The following DYNC2H1 variants were observed in gnomAD, a reference collection of about 807,000 sequenced individuals.
The protein encoded by DYNC2H1 is cytoplasmic dynein 2 heavy chain 1.
DYNC2H1 carries 410 observed loss-of-function variants against 570.0 expected under a neutral mutation model. The observed-to-expected ratio is 0.72, with a 90% CI of 0.66 to 0.78. The LOEUF (loss-of-function observed/expected upper bound fraction) is 0.78. Among genes scored for constraint, DYNC2H1 ranks in the 30% least tolerant of loss-of-function variants. The pLI, the probability that DYNC2H1 is intolerant of heterozygous loss-of-function variation, is 0.00. For synonymous variants in DYNC2H1, 1,688 were observed against 1,677.6 expected, an observed-to-expected ratio of 1.01 and a Z score of -0.15; for missense variants, 4,865 against 5,046.4, an observed-to-expected ratio of 0.96 and a Z score of 1.09.
At chr11:103,312,248 C>T (rs895396284) in intron 79 of DYNC2H1, among the ~76,000 whole-genome samples, 18 of 151,332 alleles carry the variant, frequency 1.2e-4, no homozygotes, top group African/African-American at 3.9e-4. Context: ...GGCATGGTGG[C>T]GCATGCCTAT....
chr11:103,403,598 C>T (rs553388298), intron 84 of DYNC2H1: 53 of 152,042 alleles, frequency 3.5e-4, no homozygotes, highest in Middle Eastern at 6.8e-3. Flanking sequence ...GAGCACTGTC[C>T]GTAGTAAAGG....
intron 13 of DYNC2H1, among the ~76,000 whole-genome samples, chr11:103,132,169 G>GTTCA (rs796526215): frequency 3.9e-5 from 6 of 152,012 alleles, no homozygotes; most frequent in African/African-American, 1.4e-4. Flanking sequence ...AAGGGCCTCT[G>GTTCA]TTCATTTTTC....
Position 103,133,709 on chromosome 11 carries a change from T to C in DYNC2H1, c.2106+2T>C, listed in dbSNP as rs1449279178. The C allele has an allele frequency of 1.9e-6, 3 of 1,583,938 alleles. No individual in the cohort carries two copies. The highest frequency in any genetic ancestry group is 1.2e-5 in the South Asian group (1 of 85,748). Reference sequence around the variant, plus strand: ...TGGCACACTACATTTTGTGAAAAGGTATATTTTGTTTATAAAATTGAATAA... The same window carrying C: ...TGGCACACTACATTTTGTGAAAAGGCATATTTTGTTTATAAAATTGAATAA... On this transcript the variant is annotated splice_donor_variant, in intron 14 of 88. Coordinates refer to ENST00000375735, the MANE Select transcript of DYNC2H1 (RefSeq NM_001377.3). LOFTEE classifies it high-confidence loss of function. This position sits in a 1 kb window ranked among gnomAD's most constrained non-coding sequence, Gnocchi z 4.8.
intron 70 of DYNC2H1, among the ~76,000 whole-genome samples, chr11:103,267,053 G>T (rs1865536574): frequency 6.6e-6 from 1 of 152,134 alleles, no homozygotes; most frequent in African/African-American, 2.4e-5. Context: ...ACTTCTGTAA[G>T]CCCCTCTCCC....
chr11:103,270,601 TCGAA>T (rs1361569522), intron 70 of DYNC2H1, among the ~76,000 whole-genome samples: 1 of 151,814 alleles, frequency 6.6e-6, no homozygotes, highest in African/African-American at 2.4e-5. Flanking sequence ...TCTCTCTCTC[TCGAA>T]CTATCTTATT....
At chr11:103,329,805 T>C (rs1422407678) in intron 82 of DYNC2H1, among the ~76,000 whole-genome samples, 1 of 152,176 alleles carries the variant, frequency 6.6e-6, no homozygotes, top group Non-Finnish European at 1.5e-5. Context: ...AGATGTATTT[T>C]ACATTTAAAG....
At position 103,186,350 on chromosome 11, in the gene DYNC2H1, G is replaced by C; in HGVS notation, c.6742G>C (p.Asp2248His). 4 of 1,612,834 alleles carry C rather than the reference G, an allele frequency of 2.5e-6. No individual in the cohort carries two copies. Among genetic ancestry groups the C allele is most frequent in the Middle Eastern group, 1.7e-4 (1 of 6,058 alleles). ...AACATATGTGCTTAAGAAGCCAGAA[G>C]ACTTGACTGCTGATGATTTCAGTAA... ...LATYVLKKPE[D>H]LTADDFSNGL... The change falls in exon 42 of 89, where the codon GAC becomes CAC. Residue 2248 changes from aspartate (D) to histidine (H), a missense_variant. Transcript: ENST00000375735. This position sits in a 1 kb window ranked among gnomAD's most constrained non-coding sequence, Gnocchi z 4.5.
chr11:103,350,581 C>CT (rs1357234390), intron 82 of DYNC2H1, among the ~76,000 whole-genome samples: 2 of 152,088 alleles, frequency 1.3e-5, no homozygotes, highest in East Asian at 3.9e-4. Context: ...GCTTGGCCTG[C>CT]TATAACAAAA....
At chr11:103,317,053 G>A (rs1376716270) in intron 80 of DYNC2H1, among the ~76,000 whole-genome samples, 2 of 152,050 alleles carry the variant, frequency 1.3e-5, no homozygotes, top group Admixed American at 6.6e-5. Context: ...CATTTAATCT[G>A]ACCCCCTAAG....
intron 63 of DYNC2H1, among the ~76,000 whole-genome samples, chr11:103,238,093 AAAAT>A: frequency 6.6e-6 from 1 of 152,188 alleles, no homozygotes; most frequent in East Asian, 1.9e-4. Flanking sequence ...TACTAGATTT[AAAAT>A]TAGTTGTAGT....
chr11:103,109,537 T>C lies in DYNC2H1; in HGVS notation c.-38T>C. The stretch of plus-strand genomic sequence containing the variant: ...TCCCTCCGGACTGGTTTCTTCTTCC[T>C]TCCCCCTTCCCCCAACTTCCCTCCA... On this transcript the variant is annotated 5_prime_UTR_variant, in exon 1 of 89. Transcript: ENST00000375735. 3 of 1,588,984 alleles carry C rather than the reference T, an allele frequency of 1.9e-6. No homozygotes were observed. Among genetic ancestry groups the C allele is most frequent in the Non-Finnish European group, 2.6e-6 (3 of 1,162,890 alleles).
At chr11:103,176,580 GT>G in intron 37 of DYNC2H1, 146 bp downstream of exon 37, 1 of 574,310 alleles carries the variant, frequency 1.7e-6, no homozygotes, top group Non-Finnish European at 2.7e-6. Flanking sequence ...AGATCTTCAA[GT>G]CCTGATTTGA....
At chr11:103,230,491 A>T (rs527844052) in intron 59 of DYNC2H1, among the ~76,000 whole-genome samples, 72 of 152,338 alleles carry the variant, frequency 4.7e-4, no homozygotes, top group African/African-American at 1.7e-3. Context: ...GTAAGGGCAT[A>T]AGCTAGACTT....
intron 20 of DYNC2H1, among the ~76,000 whole-genome samples, chr11:103,149,157 A>G (rs942809234): frequency 6.6e-6 from 1 of 152,234 alleles, no homozygotes; most frequent in African/African-American, 2.4e-5. Context: ...TTTGCAGTCT[A>G]TTTTATGATG....
rs1244019192 is a variant in DYNC2H1, at chr11:103,244,089, CTAA to C, written c.9918+300_9918+302del. On this transcript the variant is annotated intron_variant, in intron 64 of 88. Transcript: ENST00000375735. This position sits in a 1 kb window ranked among gnomAD's most constrained non-coding sequence, Gnocchi z 4.3. ...AAAGAAGCTTTGCACTACGTTATGA[CTAA>C]TGACACAAGTATAAGCTGCTGTAGA... Among the ~76,000 whole-genome samples, 1 of 152,118 alleles carries C rather than the reference CTAA, an allele frequency of 6.6e-6. No homozygotes were observed. The highest frequency in any genetic ancestry group is 6.6e-5 in the Admixed American group (1 of 15,258).
At chr11:103,447,670 A>G (rs990582377) in intron 85 of DYNC2H1, among the ~76,000 whole-genome samples, 2 of 152,114 alleles carry the variant, frequency 1.3e-5, no homozygotes, top group African/African-American at 4.8e-5. Flanking sequence ...ACTTTGTTCT[A>G]TTTGAGAGGT....
In DYNC2H1 at chr11:103,133,590, A is replaced by G; in HGVS notation, c.1989A>G (p.Ile663Met). 1 of 1,610,708 alleles carries G rather than the reference A, an allele frequency of 6.2e-7. No individual in the cohort carries two copies. The highest frequency in any genetic ancestry group is 8.5e-7 in the Non-Finnish European group (1 of 1,179,158). ...CAGGAAGTGGAGGGAAATCACAGAT[A>G]ACTTGGGATAATCCTAAAGAATTAG... ...SKAGSGGKSQ[I>M]TWDNPKELEG... Residue 663 changes from isoleucine to methionine, a missense_variant, in exon 14 of 89, where the codon ATA (isoleucine) becomes ATG (methionine). Around this residue, in one of 5 missense-constraint regions of DYNC2H1, gnomAD observed 1,936 missense variants for 1,962.1 expected, o/e 0.99. Transcript: ENST00000375735. The surrounding 1 kb of genome is among the most constrained non-coding windows in gnomAD (Gnocchi z 4.8).
intron 62 of DYNC2H1, among the ~76,000 whole-genome samples, chr11:103,236,095 CATT>C (rs1266144057): frequency 2.6e-5 from 4 of 151,964 alleles, no homozygotes; most frequent in Non-Finnish European, 4.4e-5. Context: ...TGCAATTAAA[CATT>C]ATGTTACTTT....
Position 103,303,196 on chromosome 11 carries a change from T to A in DYNC2H1, c.11199T>A (p.Pro3733=). The A allele has an allele frequency of 6.2e-7, 1 of 1,612,880 alleles. No individual in the cohort carries two copies. Among genetic ancestry groups the A allele is most frequent in the Non-Finnish European group, 8.5e-7 (1 of 1,179,120 alleles). The change falls in exon 76 of 89, where the codon CCT becomes CCA. Residue 3733 remains proline (P), a synonymous_variant. Coordinates refer to ENST00000375735, the MANE Select transcript of DYNC2H1 (RefSeq NM_001377.3). ...TAATTATTTCTCCGGGTGCTGATCC[T>A]TCTCAGGAACTTCAAGAACTAGCTA... ...ILIIISPGAD[P]SQELQELANA... is the part of the protein sequence containing the mutation.
Sources: gnomAD v4.1 joint callset for allele counts (sites outside exome capture counted in the v4.1 genomes callset) on GRCh38, gnomAD v4.1.1 for gene constraint, gnomAD v4.1.1 regional missense constraint, Gnocchi (gnomAD v3.1) non-coding constraint, MANE v1.5 for transcripts, NCBI Gene and HGNC (gene_info 2026-07-23, HGNC 2026-07-21) for gene names.